The following ASAP1 variants were observed in gnomAD, a reference collection of about 807,000 sequenced individuals.
ASAP1 encodes ArfGAP with SH3 domain, ankyrin repeat and PH domain 1.
ASAP1 carries 43 observed loss-of-function variants against 145.2 expected under a neutral mutation model. The ratio of observed to expected loss-of-function variants is 0.30; its 90% CI spans 0.23 to 0.38. ASAP1 has a LOEUF of 0.38. ASAP1 is among the 10% of genes least tolerant of loss of function. The pLI is 1.00. For synonymous variants in ASAP1, 546 were observed against 515.5 expected, an observed-to-expected ratio of 1.06 and a Z score of -0.80; for missense variants, 1,018 against 1,355.3, an observed-to-expected ratio of 0.75 and a Z score of 3.91.
chr8:130,132,948 T>C (rs567238773), intron 15 of ASAP1, among the ~76,000 whole-genome samples: 29 of 152,086 alleles, frequency 1.9e-4, no homozygotes, highest in Middle Eastern at 3.4e-3. Flanking sequence ...CCAGAGAAGA[T>C]TGTGTGTGTG....
intron 3 of ASAP1, among the ~76,000 whole-genome samples, chr8:130,337,519 A>C (rs541156898): frequency 6.6e-6 from 1 of 152,318 alleles, no homozygotes; most frequent in East Asian, 1.9e-4. Flanking sequence ...CAAATAATCA[A>C]ATCCTAACAT....
intron 1 of ASAP1, among the ~76,000 whole-genome samples, chr8:130,434,477 T>C (rs1453827375): frequency 4.6e-5 from 7 of 152,208 alleles, no homozygotes; most frequent in Admixed American, 4.6e-4. Flanking sequence ...GAGGATTAAA[T>C]GAGCTCATAG....
chr8:130,264,794 A>G (rs1820143288), intron 3 of ASAP1, among the ~76,000 whole-genome samples: 1 of 152,170 alleles, frequency 6.6e-6, no homozygotes, highest in Admixed American at 6.5e-5. Flanking sequence ...GTAAACCACA[A>G]TGTCAACACA....
At chr8:130,274,994 G>C (rs1423389226) in intron 3 of ASAP1, among the ~76,000 whole-genome samples, 1 of 152,170 alleles carries the variant, frequency 6.6e-6, no homozygotes, top group Non-Finnish European at 1.5e-5. Context: ...TGAGACTGTA[G>C]CTCCATATTC....
At chr8:130,151,302 T>C (rs941362638) in intron 13 of ASAP1, among the ~76,000 whole-genome samples, 2 of 136,270 alleles carry the variant, frequency 1.5e-5, no homozygotes, top group African/African-American at 2.8e-5. Flanking sequence ...ACCTGGGAGA[T>C]GGAGGTTACA....
chr8:130,186,776 C>T (rs1346207535), intron 7 of ASAP1, among the ~76,000 whole-genome samples: 3 of 152,164 alleles, frequency 2.0e-5, no homozygotes, highest in African/African-American at 7.2e-5. Flanking sequence ...GAGAGTAAAG[C>T]TGTACAGATA....
In ASAP1 at chr8:130,418,067, G is replaced by A. The variant is rs1829561969; in HGVS notation, c.-27-16097C>T. ...GGAGGGGAGGAGAACTTGCCCCAAG[G>A]CCACAAGGACAGAAGAGAGAGGAGA... is the stretch of plus-strand genomic sequence containing the variant. On this transcript the variant is annotated intron_variant, in intron 1 of 29. Transcript: ENST00000518721. 2.0e-5 allele frequency among the ~76,000 whole-genome samples: 3 copies of A among 152,180 alleles called. No individual in the cohort carries two copies. In the South Asian group the frequency reaches 6.2e-4, roughly 31 times the overall value.
intron 3 of ASAP1, among the ~76,000 whole-genome samples, chr8:130,332,795 G>T (rs1397234196): frequency 1.3e-5 from 2 of 152,078 alleles, no homozygotes; most frequent in Non-Finnish European, 2.9e-5. Flanking sequence ...GTCAATGACT[G>T]ATTCTAACTT....
At chr8:130,441,511 G>A (rs546716338) in intron 1 of ASAP1, among the ~76,000 whole-genome samples, 1 of 152,352 alleles carries the variant, frequency 6.6e-6, no homozygotes, top group Admixed American at 6.5e-5. Flanking sequence ...AAATACGGCT[G>A]AGACCTAGGT....
intron 5 of ASAP1, among the ~76,000 whole-genome samples, chr8:130,193,172 C>G (rs912231844): frequency 6.6e-6 from 1 of 152,086 alleles, no homozygotes; most frequent in African/African-American, 2.4e-5. Flanking sequence ...AGTTTGAGAC[C>G]AGCCTGGCCA....
intron 9 of ASAP1, among the ~76,000 whole-genome samples, chr8:130,178,259 T>C (rs1814102690): frequency 6.6e-6 from 1 of 152,254 alleles, no homozygotes; most frequent in South Asian, 2.1e-4. Flanking sequence ...CTTCCATTAT[T>C]TTCGGTATAA....
chr8:130,072,824 T>TGCGCGCGCGCGCGCGCGCGCGCGCGC (rs71303498), intron 27 of ASAP1, among the ~76,000 whole-genome samples: 1 of 32,282 alleles, frequency 3.1e-5, no homozygotes, highest in Non-Finnish European at 5.7e-5. Flanking sequence ...TGTGTGTGTG[T>TGCGCGCGCGCGCGCGCGCGCGCGCGC]GCGCGCGGGG....
At chr8:130,208,632 G>A (rs1816383082) in intron 5 of ASAP1, 1 of 152,032 alleles carries the variant, frequency 6.6e-6, no homozygotes, top group Non-Finnish European at 1.5e-5. Context: ...GCACGTACTT[G>A]GGTCATCTTC....
intron 2 of ASAP1, among the ~76,000 whole-genome samples, chr8:130,387,398 T>C (rs1219197696): frequency 2.0e-5 from 3 of 152,048 alleles, no homozygotes; most frequent in Non-Finnish European, 4.4e-5. Flanking sequence ...TAGCTGAGCA[T>C]GGTGGCGCTC....
At chr8:130,057,582 G>A (rs1295587438) in intron 29 of ASAP1, among the ~76,000 whole-genome samples, 1 of 152,080 alleles carries the variant, frequency 6.6e-6, no homozygotes, top group Non-Finnish European at 1.5e-5. Context: ...CCGAGTAGCT[G>A]GGACTACAGG....
intron 3 of ASAP1, among the ~76,000 whole-genome samples, chr8:130,318,226 C>G (rs1193772695): frequency 1.3e-5 from 2 of 152,184 alleles, no homozygotes; most frequent in Non-Finnish European, 2.9e-5. Context: ...GGGTTACAGG[C>G]ACATACCACC....
At chr8:130,398,444 TC>T (rs1828632754) in intron 2 of ASAP1, among the ~76,000 whole-genome samples, 1 of 152,196 alleles carries the variant, frequency 6.6e-6, no homozygotes, top group South Asian at 2.1e-4. Context: ...GTAGAAGTAG[TC>T]ACAACAGTAG....
At chr8:130,057,148 AATTG>A (rs2097406018) in intron 29 of ASAP1, among the ~76,000 whole-genome samples, 1 of 152,172 alleles carries the variant, frequency 6.6e-6, no homozygotes, top group Admixed American at 6.5e-5. Context: ...CTGGATTAAG[AATTG>A]AGTCTGAGGA....
intron 5 of ASAP1, among the ~76,000 whole-genome samples, chr8:130,189,275 T>C (rs1290422014): frequency 6.6e-6 from 1 of 152,212 alleles, no homozygotes; most frequent in African/African-American, 2.4e-5. Flanking sequence ...TATCTAACTG[T>C]ATTTTTGTAC....
Sources: gnomAD v4.1 joint callset for allele counts (sites outside exome capture counted in the v4.1 genomes callset) on GRCh38, gnomAD v4.1.1 for gene constraint, MANE v1.5 for transcripts, NCBI Gene and HGNC (gene_info 2026-07-23, HGNC 2026-07-21) for gene names.